The following SNX2 variants were observed in gnomAD, a reference collection of about 807,000 sequenced individuals.
The protein encoded by SNX2 is sorting nexin-2.
A neutral mutation model predicts 69.9 loss-of-function variants in SNX2; 25 were observed. That is an observed-to-expected ratio of 0.36 (90% CI 0.26 to 0.50). The LOEUF (loss-of-function observed/expected upper bound fraction) is 0.50, where lower values mean the gene tolerates loss of function less well. Among genes scored for constraint, SNX2 ranks in the 20% least tolerant of loss-of-function variants. SNX2 has a pLI of 0.97. For synonymous variants in SNX2, 229 were observed against 200.4 expected (o/e 1.14, Z -1.20); for missense variants, 551 against 613.3 (o/e 0.90, Z 1.07).
intron 7 of SNX2, 39 bp downstream of exon 7, chr5:122,808,394 G>A (rs372730855): frequency 2.0e-5 from 28 of 1,367,248 alleles, no homozygotes; most frequent in Non-Finnish European, 2.9e-5. Flanking sequence ...TCTCATGTTT[G>A]TACCTTAATA....
intron 6 of SNX2, among the ~76,000 whole-genome samples, chr5:122,805,703 A>T (rs192189358): frequency 3.0e-4 from 45 of 152,276 alleles, no homozygotes; most frequent in Middle Eastern, 3.4e-3. Flanking sequence ...GGGATGGTTC[A>T]ATCCAAAGTG....
chr5:122,776,110 G>T (rs1277241157), intron 1 of SNX2, among the ~76,000 whole-genome samples: 7 of 152,288 alleles, frequency 4.6e-5, no homozygotes, highest in Non-Finnish European at 1.0e-4. Context: ...GTGTGTGTAT[G>T]TGAATTAAAA....
At chr5:122,810,993 C>G (rs75422891) in intron 7 of SNX2, among the ~76,000 whole-genome samples, 1,902 of 151,962 alleles carry the variant, frequency 0.013, 43 homozygotes, top group African/African-American at 0.044. Flanking sequence ...TTTTTCTTGC[C>G]CTTTCATATA....
At chr5:122,812,874 A>C (rs1214421020) in intron 7 of SNX2, among the ~76,000 whole-genome samples, 2 of 152,202 alleles carry the variant, frequency 1.3e-5, no homozygotes, top group Non-Finnish European at 2.9e-5. Flanking sequence ...TTTGTGTTTT[A>C]GTTTCAAGCA....
intron 2 of SNX2, among the ~76,000 whole-genome samples, chr5:122,796,778 G>A (rs1422100174): frequency 2.0e-5 from 3 of 151,760 alleles, no homozygotes; most frequent in Non-Finnish European, 4.4e-5. Context: ...AGATGAGTAT[G>A]TTTAAACCTT....
rs185448521 is a variant in SNX2 at position 122,822,216 on chromosome 5, G to A, written c.1212+3193G>A. Reference sequence around the variant, plus strand: ...TCAAGCAATTCTGCCTCAGCCTCCCGAGTAGCTGGGACTATAGGCGTGTGC... The same window carrying A: ...TCAAGCAATTCTGCCTCAGCCTCCCAAGTAGCTGGGACTATAGGCGTGTGC... On this transcript the variant is annotated intron_variant, in intron 11 of 14. Coordinates refer to ENST00000379516, the MANE Select transcript of SNX2 (RefSeq NM_003100.4). Among the ~76,000 whole-genome samples the A allele has an allele frequency of 4.3e-3, 651 of 152,220 alleles. 7 individuals carry two copies. Among genetic ancestry groups the A allele is most frequent in the Middle Eastern group, 0.024 (7 of 294 alleles).
At chr5:122,800,755 A>G (rs1250882985) in intron 3 of SNX2, among the ~76,000 whole-genome samples, 1 of 152,264 alleles carries the variant, frequency 6.6e-6, no homozygotes, top group Non-Finnish European at 1.5e-5. Context: ...TATCTGTACA[A>G]GAAGACAACC....
intron 1 of SNX2, among the ~76,000 whole-genome samples, chr5:122,776,350 C>G (rs1032213341): frequency 6.6e-6 from 1 of 152,094 alleles, no homozygotes; most frequent in Non-Finnish European, 1.5e-5. Context: ...CCCCACCTCC[C>G]CTCAGGTTAT....
chr5:122,808,501 T>A, intron 7 of SNX2, 146 bp downstream of exon 7: 1 of 541,492 alleles, frequency 1.8e-6, no homozygotes, highest in South Asian at 2.8e-5. Flanking sequence ...TAAACTTTTT[T>A]AAGAAAATTA....
intron 12 of SNX2, 117 bp from the exon 13 acceptor site, chr5:122,827,262 T>C: frequency 1.2e-5 from 9 of 760,002 alleles, no homozygotes; most frequent in Non-Finnish European, 1.5e-5. Flanking sequence ...AATTGTGCAT[T>C]GCCAATATTG....
At chr5:122,815,823 A>T in intron 7 of SNX2, 73 bp from the exon 8 acceptor site, 2 of 778,382 alleles carry the variant, frequency 2.6e-6, no homozygotes, top group Non-Finnish European at 4.1e-6. Context: ...TAGTATTTCT[A>T]TTTTTTTATC....
At chr5:122,791,584 ATGT>A (rs1270957976) in intron 1 of SNX2, among the ~76,000 whole-genome samples, 1 of 149,452 alleles carries the variant, frequency 6.7e-6, no homozygotes, top group Non-Finnish European at 1.5e-5. Flanking sequence ...GCCCAGCCTA[ATGT>A]TGTATTTTTA....
intron 2 of SNX2, among the ~76,000 whole-genome samples, chr5:122,798,161 G>A (rs1378204270): frequency 1.4e-5 from 2 of 142,858 alleles, no homozygotes; most frequent in African/African-American, 2.5e-5. Context: ...TTGATATACT[G>A]CTTTTTTTTT....
Position 122,826,187 on chromosome 5 carries a change from AAGAG to A in SNX2, c.1353_1356del (p.Arg451SerfsTer32). 1.2e-6 allele frequency: 2 copies of A among 1,610,926 alleles called. No individual in the cohort carries two copies. Among genetic ancestry groups the A allele is most frequent in the Non-Finnish European group, 1.7e-6 (2 of 1,177,934 alleles). ...AAATACAGCAAGCTAAAAATGAAAT[AAGAG>A]AGGTGATTACTAAATGCTTTAATCT... is the stretch of plus-strand genomic sequence containing the variant. On this transcript the variant is annotated frameshift_variant and splice_region_variant, in exon 12 of 15. Transcript: ENST00000379516. LOFTEE classifies it high-confidence loss of function.
At position 122,795,322 on chromosome 5, in the gene SNX2, C is replaced by T; in HGVS notation, c.165C>T (p.Asn55=). Residue 55 remains asparagine (N), a synonymous_variant, in exon 2 of 15, where the codon AAC becomes AAT. Coordinates refer to ENST00000379516, the MANE Select transcript of SNX2 (RefSeq NM_003100.4). The part of the protein sequence containing the change: ...ASLPAEDISA[N]SNGPKPTEVV... ...TTCCTGCAGAAGATATTAGTGCAAA[C>T]TCCAATGGCCCAAAACCCACAGAAG... The T allele has an allele frequency of 6.2e-7, 1 of 1,613,988 alleles. No individual in the cohort carries two copies. The highest frequency in any genetic ancestry group is 8.5e-7 in the Non-Finnish European group (1 of 1,179,914).
intron 14 of SNX2, 108 bp from the exon 15 acceptor site, chr5:122,829,490 C>A: frequency 1.3e-6 from 1 of 788,832 alleles, no homozygotes; most frequent in Non-Finnish European, 2.1e-6. Context: ...TAGGTGTGAG[C>A]TACCCAGCCC....
intron 6 of SNX2, among the ~76,000 whole-genome samples, chr5:122,806,092 T>TTG (rs1554063122): frequency 4.5e-5 from 4 of 89,418 alleles, no homozygotes; most frequent in Non-Finnish European, 7.0e-5. Context: ...TTTAAAACTT[T>TTG]TATGTGTGTG....
At chr5:122,802,963 G>A (rs1193609027) in intron 5 of SNX2, among the ~76,000 whole-genome samples, 1 of 152,172 alleles carries the variant, frequency 6.6e-6, no homozygotes, top group Non-Finnish European at 1.5e-5. Flanking sequence ...AACACAGTGA[G>A]GATGAGGATG....
chr5:122,802,215 TC>T, intron 5 of SNX2, 91 bp downstream of exon 5: 1 of 1,124,392 alleles, frequency 8.9e-7, no homozygotes, highest in Non-Finnish European at 1.3e-6. Flanking sequence ...GTGATCCCTG[TC>T]TTTATAAAGG....
Sources: allele counts gnomAD v4.1 joint callset (sites outside exome capture counted in the v4.1 genomes callset), GRCh38; gene constraint gnomAD v4.1.1; transcripts MANE v1.5; gene names NCBI Gene and HGNC (gene_info 2026-07-23, HGNC 2026-07-21).